The following RHOU variants were observed in gnomAD, a reference collection of about 807,000 sequenced individuals.
RHOU encodes the protein rho-related GTP-binding protein RhoU.
Under a neutral mutation model 12.6 loss-of-function variants are expected in RHOU, and 8 were observed. The observed-to-expected ratio is 0.64, with a 90% CI of 0.37 to 1.15. RHOU has a LOEUF of 1.15. Ranked by LOEUF, RHOU falls within the 50% of genes most tolerant of loss-of-function variation. RHOU has a pLI of 0.01. For missense variants in RHOU, 258 were observed against 347.0 expected, an observed-to-expected ratio of 0.74 and a Z score of 2.04; for synonymous variants, 161 against 147.4, an observed-to-expected ratio of 1.09 and a Z score of -0.67.
the RHOU span, among the ~76,000 whole-genome samples, chr1:228,672,745 G>A: frequency 5.3e-5 from 8 of 152,218 alleles, no homozygotes; most frequent in South Asian, 6.2e-4. Flanking sequence ...GTTTTTCTCC[G>A]GGGGTATGAT....
At chr1:228,726,593 A>G in the RHOU span, among the ~76,000 whole-genome samples, 3 of 151,188 alleles carry the variant, frequency 2.0e-5, no homozygotes, top group Non-Finnish European at 4.4e-5. Context: ...TGAACTTGGG[A>G]GCCAGAGGTT....
chr1:228,683,185 T>G, the RHOU span, among the ~76,000 whole-genome samples: 2 of 152,168 alleles, frequency 1.3e-5, no homozygotes. Context: ...TCTGAGTCAC[T>G]GAAAACCCCA....
chr1:228,673,634 C>G, the RHOU span, among the ~76,000 whole-genome samples: 1 of 152,172 alleles, frequency 6.6e-6, no homozygotes, highest in Non-Finnish European at 1.5e-5. Context: ...CACTCTCTTC[C>G]TCCTGCTCTG....
chr1:228,743,401 G>T lies in RHOU; in HGVS notation c.438G>T (p.Glu146Asp), dbSNP rs778786793. ...FQNVSEKWVPEIRCHCPKAPI... is the reference protein window; with the variant it reads ...FQNVSEKWVPDIRCHCPKAPI... The stretch of plus-strand genomic sequence containing the variant: ...ACGTCAGTGAGAAATGGGTGCCGGA[G>T]ATTCGATGCCACTGTCCCAAAGCCC... Residue 146 changes from glutamate (E) to aspartate (D), a missense_variant, in exon 3 of 3, where the codon GAG becomes GAT. Coordinates refer to ENST00000366691, the MANE Select transcript of RHOU (RefSeq NM_021205.6). This position sits in a 1 kb window ranked among gnomAD's most constrained non-coding sequence, Gnocchi z 5.1. 6 of 1,614,058 alleles carry T rather than the reference G, an allele frequency of 3.7e-6. No individual in the cohort carries two copies. The Admixed American group carries it at 8.3e-5, about 22-fold the overall frequency.
At chr1:228,689,412 A>G in the RHOU span, among the ~76,000 whole-genome samples, 2 of 152,182 alleles carry the variant, frequency 1.3e-5, no homozygotes, top group Non-Finnish European at 1.5e-5. Flanking sequence ...TGACATCAGT[A>G]GCTGTAATCA....
chr1:228,697,573 T>C, the RHOU span, among the ~76,000 whole-genome samples: 1 of 152,160 alleles, frequency 6.6e-6, no homozygotes, highest in Non-Finnish European at 1.5e-5. Flanking sequence ...GAAATAGGTT[T>C]ATCGTGCTGA....
At chr1:228,664,844 T>C in the RHOU span, among the ~76,000 whole-genome samples, 349 of 152,136 alleles carry the variant, frequency 2.3e-3, 2 homozygotes, top group African/African-American at 8.1e-3. Context: ...ATGTTGGCCA[T>C]TTTGGTCTCG....
At chr1:228,707,127 CATATAT>C in the RHOU span, among the ~76,000 whole-genome samples, 3,422 of 76,802 alleles carry the variant, frequency 0.045, 304 homozygotes, top group African/African-American at 0.21. Context: ...TATATATATA[CATATAT>C]ATATATATAT....
Position 228,735,967 on chromosome 1 carries a change from C to T in RHOU, c.225C>T (p.Pro75=), listed in dbSNP as rs1416442476. 1.3e-6 allele frequency: 2 copies of T among 1,584,076 alleles called. No homozygotes were observed. Among genetic ancestry groups the T allele is most frequent in the Admixed American group, 1.7e-5 (1 of 59,236 alleles). The part of the protein sequence containing the change: ...LVVSYTTNGY[P]TEYIPTAFDN... ...TGAGCTACACCACCAACGGCTACCC[C>T]ACCGAGTACATCCCTACTGCCTTCG... Residue 75 remains proline, a synonymous_variant, in exon 1 of 3, where the codon CCC becomes CCT. Coordinates refer to ENST00000366691, the MANE Select transcript of RHOU (RefSeq NM_021205.6). This position sits in a 1 kb window ranked among gnomAD's most constrained non-coding sequence, Gnocchi z 8.1.
the RHOU span, among the ~76,000 whole-genome samples, chr1:228,722,876 C>T: frequency 6.6e-6 from 1 of 152,208 alleles, no homozygotes; most frequent in African/African-American, 2.4e-5. Flanking sequence ...CCGCCTCGGC[C>T]TCCCAAAGTG....
At chr1:228,668,176 C>G in the RHOU span, among the ~76,000 whole-genome samples, 1 of 152,190 alleles carries the variant, frequency 6.6e-6, no homozygotes, top group East Asian at 1.9e-4. Flanking sequence ...GGGAGGATGC[C>G]ACACCCCAGC....
chr1:228,702,790 T>TA, the RHOU span, among the ~76,000 whole-genome samples: 3 of 152,226 alleles, frequency 2.0e-5, no homozygotes, highest in African/African-American at 7.2e-5. Context: ...TAGTATCACA[T>TA]ACACATATAG....
the RHOU span, among the ~76,000 whole-genome samples, chr1:228,660,708 T>C: frequency 5.9e-5 from 9 of 151,752 alleles, no homozygotes; most frequent in African/African-American, 2.2e-4. Flanking sequence ...CCGAGGTGGG[T>C]GGATTACCTG....
At chr1:228,650,384 A>G in the RHOU span, 1 of 459,220 alleles carries the variant, frequency 2.2e-6, no homozygotes, top group East Asian at 6.9e-5. Flanking sequence ...ATCAACCTCT[A>G]TTCACTGGTG....
At chr1:228,682,040 C>A in the RHOU span, among the ~76,000 whole-genome samples, 1 of 152,106 alleles carries the variant, frequency 6.6e-6, no homozygotes, top group African/African-American at 2.4e-5. Flanking sequence ...GATTAAACAC[C>A]AAGGGTAGGC....
At chr1:228,684,877 G>A in the RHOU span, among the ~76,000 whole-genome samples, 5 of 152,130 alleles carry the variant, frequency 3.3e-5, no homozygotes, top group Non-Finnish European at 7.3e-5. Context: ...TTGATCTTGT[G>A]TAAGAAAGAA....
At chr1:228,733,233 T>G (rs1431491967), upstream of RHOU, among the ~76,000 whole-genome samples, 2 of 152,220 alleles carry the variant, frequency 1.3e-5, no homozygotes, top group African/African-American at 4.8e-5. Flanking sequence ...ACAGGTACAT[T>G]TCTGACAGCA....
At chr1:228,740,258 AT>A (rs1392862449) in intron 2 of RHOU, among the ~76,000 whole-genome samples, 1 of 152,196 alleles carries the variant, frequency 6.6e-6, no homozygotes, top group Admixed American at 6.5e-5. Flanking sequence ...GTTTCAGTTT[AT>A]TTGAAAATTA....
At position 228,745,643 on chromosome 1, in the gene RHOU, T is replaced by C. The variant is rs1387670389; in HGVS notation, c.*1903T>C. The C allele has an allele frequency of 1.3e-5, 2 of 152,194 alleles. No individual in the cohort carries two copies. The highest frequency in any genetic ancestry group is 2.9e-5 in the Non-Finnish European group (2 of 68,042). The allele number at this position is 152,194 out of a possible 1,614,324, so 9.4% of individuals were successfully genotyped here. ...TTTCCTGAAGCATTTAGTTACAACC[T>C]GAAGGAATAAAATGATTTGTGGAAA... is the stretch of plus-strand genomic sequence containing the variant. On this transcript the variant is annotated 3_prime_UTR_variant, in exon 3 of 3. Coordinates refer to ENST00000366691, the MANE Select transcript of RHOU (RefSeq NM_021205.6).
Sources: gnomAD v4.1 joint callset for allele counts (sites outside exome capture counted in the v4.1 genomes callset) on GRCh38, gnomAD v4.1.1 for gene constraint, Gnocchi (gnomAD v3.1) non-coding constraint, MANE v1.5 for transcripts, NCBI Gene and HGNC (gene_info 2026-07-23, HGNC 2026-07-21) for gene names.